Variants in COL21A1 observed in about 807,000 individuals in gnomAD.
COL21A1 encodes collagen alpha-1(XXI) chain.
In COL21A1, 149 loss-of-function variants were observed where a neutral mutation model predicts 137.9. That is an observed-to-expected ratio of 1.08 (90% CI 0.95 to 1.24). The LOEUF (loss-of-function observed/expected upper bound fraction) is 1.24, where lower values mean the gene tolerates loss of function less well. Ranked by LOEUF, COL21A1 falls within the 50% of genes most tolerant of loss-of-function variation. The pLI is 0.00. For missense variants in COL21A1, 1,167 were observed against 1,158.4 expected, an observed-to-expected ratio of 1.01 and a Z score of -0.11; for synonymous variants, 456 against 391.5, an observed-to-expected ratio of 1.16 and a Z score of -1.95.
intron 1 of COL21A1, among the ~76,000 whole-genome samples, chr6:56,186,573 A>G (rs528316286): frequency 6.6e-6 from 1 of 152,332 alleles, no homozygotes; most frequent in East Asian, 1.9e-4. Context: ...ATCATTTTTT[A>G]TGGAAAACGT....
intron 1 of COL21A1, among the ~76,000 whole-genome samples, chr6:56,227,960 G>C (rs1385370260): frequency 6.6e-6 from 1 of 151,902 alleles, no homozygotes; most frequent in Non-Finnish European, 1.5e-5. Flanking sequence ...ATGACCTTAA[G>C]AAGACAGGAA....
At chr6:56,280,538 A>G (rs1338214076) in intron 1 of COL21A1, among the ~76,000 whole-genome samples, 1 of 152,218 alleles carries the variant, frequency 6.6e-6, no homozygotes, top group Non-Finnish European at 1.5e-5. Flanking sequence ...TATGGTGAGT[A>G]AAGCGCTACC....
chr6:56,228,066 G>A (rs1403031046), intron 1 of COL21A1, among the ~76,000 whole-genome samples: 1 of 151,942 alleles, frequency 6.6e-6, no homozygotes, highest in African/African-American at 2.4e-5. Flanking sequence ...GTGGGAAAGG[G>A]GTGAGGGGTG....
At chr6:56,304,833 C>A (rs1173096181) in intron 1 of COL21A1, among the ~76,000 whole-genome samples, 6 of 151,982 alleles carry the variant, frequency 3.9e-5, no homozygotes, top group Non-Finnish European at 8.8e-5. Context: ...TTAGGGTGTC[C>A]ATTTTAGATC....
At chr6:56,129,494 T>C (rs1158535564) in intron 12 of COL21A1, among the ~76,000 whole-genome samples, 2 of 152,204 alleles carry the variant, frequency 1.3e-5, no homozygotes, top group Middle Eastern at 3.2e-3. Flanking sequence ...TTTAAACTAC[T>C]GCATTTGGTC....
At chr6:56,346,563 A>G (rs1409227274) in intron 1 of COL21A1, among the ~76,000 whole-genome samples, 1 of 152,258 alleles carries the variant, frequency 6.6e-6, no homozygotes, top group African/African-American at 2.4e-5. Context: ...AAATTTACAT[A>G]CCACAATCCA....
chr6:56,311,043 T>C (rs1764603632), intron 1 of COL21A1, among the ~76,000 whole-genome samples: 1 of 152,184 alleles, frequency 6.6e-6, no homozygotes, highest in Non-Finnish European at 1.5e-5. Context: ...TTTTAAAAGA[T>C]ATAACAAGTA....
At chr6:56,291,479 C>T (rs1298217196) in intron 1 of COL21A1, among the ~76,000 whole-genome samples, 1 of 152,214 alleles carries the variant, frequency 6.6e-6, no homozygotes, top group Non-Finnish European at 1.5e-5. Flanking sequence ...CACTTCTGGC[C>T]TTGCAGTCTC....
At chr6:56,192,239 T>TA (rs1236598358) in intron 1 of COL21A1, among the ~76,000 whole-genome samples, 2 of 152,082 alleles carry the variant, frequency 1.3e-5, no homozygotes, top group Non-Finnish European at 2.9e-5. Context: ...CCTTAAACCA[T>TA]AAAAATCCCA....
intron 1 of COL21A1, among the ~76,000 whole-genome samples, chr6:56,335,119 T>C (rs1406209844): frequency 6.6e-6 from 1 of 152,090 alleles, no homozygotes; most frequent in East Asian, 1.9e-4. Flanking sequence ...CGATAGATGA[T>C]GCAAAAATGA....
chr6:56,323,518 T>C (rs909989057), intron 1 of COL21A1, among the ~76,000 whole-genome samples: 2 of 152,136 alleles, frequency 1.3e-5, no homozygotes, highest in African/African-American at 2.4e-5. Flanking sequence ...GCCTCCCTAG[T>C]AGCTGGGATT....
At chr6:56,324,096 G>C (rs79107817) in intron 1 of COL21A1, among the ~76,000 whole-genome samples, 3,969 of 152,182 alleles carry the variant, frequency 0.026, 170 homozygotes, top group African/African-American at 0.091. Flanking sequence ...GGAAATAAAA[G>C]TATGGCACAG....
chr6:56,075,338 A>G lies in COL21A1; in HGVS notation c.1911+141T>C, dbSNP rs114958691. 2.7e-4 allele frequency: 172 copies of G among 648,450 alleles called. No individual in the cohort carries two copies. In the African/African-American group the frequency reaches 3.1e-3, roughly 12 times the overall value. The allele number at this position is 648,450 out of a possible 1,614,324, so 40.2% of individuals were successfully genotyped here. ...TGCACATAGACATAATATGTTTCAT[A>G]CAACAGAATGGAATTCATGGACCTC... On this transcript the variant is annotated intron_variant, in intron 19 of 29. Coordinates refer to ENST00000244728, the MANE Select transcript of COL21A1 (RefSeq NM_030820.4).
chr6:56,325,718 CAT>C lies in COL21A1; in HGVS notation c.-39+68251_-39+68252del, dbSNP rs1351076468. On this transcript the variant is annotated intron_variant, in intron 1 of 28. Coordinates refer to the COL21A1 transcript ENST00000370819. ...TATATATAATATATAATATATGTAA[CAT>C]TATATATACATATTATATATTATAT... 8.6e-5 allele frequency among the ~76,000 whole-genome samples: 2 copies of C among 23,334 alleles called. 1 individual carries two copies. The highest frequency in any genetic ancestry group is 3.3e-4 in the African/African-American group (2 of 6,116). The allele number at this position is 23,334 out of a possible 152,430, so 15.3% of individuals were successfully genotyped here. A position where few individuals can be genotyped will look rare whatever the true frequency, so the allele number is the denominator to read the frequency against.
chr6:56,193,046 C>T (rs1007536206), intron 1 of COL21A1, among the ~76,000 whole-genome samples: 7 of 152,146 alleles, frequency 4.6e-5, no homozygotes, highest in African/African-American at 1.4e-4. Context: ...AATCACCATT[C>T]TCGGCAAACT....
chr6:56,181,025 CA>C (rs763709346), intron 2 of COL21A1, among the ~76,000 whole-genome samples: 1 of 152,222 alleles, frequency 6.6e-6, no homozygotes, highest in Non-Finnish European at 1.5e-5. Context: ...TCGGCTTTAT[CA>C]TAAAACCTTT....
chr6:56,268,438 G>C (rs112525701), intron 1 of COL21A1, among the ~76,000 whole-genome samples: 2,815 of 152,246 alleles, frequency 0.018, 97 homozygotes, highest in African/African-American at 0.065. Flanking sequence ...AAATACAAAA[G>C]AGCCATGTGG....
rs1171174060 is a variant in COL21A1, at chr6:56,114,178, C to A, written c.1758+9884G>T. 4.6e-5 allele frequency among the ~76,000 whole-genome samples: 7 copies of A among 152,274 alleles called. No homozygotes were observed. The East Asian group carries it at 1.4e-3, about 30-fold the overall frequency. On this transcript the variant is annotated intron_variant, in intron 16 of 29. Coordinates refer to ENST00000244728, the MANE Select transcript of COL21A1 (RefSeq NM_030820.4). ...AAAGACATAGGCCTGGCTGGCTTTG[C>A]CACCTGCTGATTGTAGGGTCATAGG...
intron 1 of COL21A1, among the ~76,000 whole-genome samples, chr6:56,372,895 G>A (rs113343309): frequency 1.2e-4 from 18 of 152,266 alleles, no homozygotes; most frequent in Middle Eastern, 3.4e-3. Flanking sequence ...TTGGTGAGGC[G>A]TGTGCCCTCC....
Sources: gnomAD v4.1 joint callset for allele counts (sites outside exome capture counted in the v4.1 genomes callset) on GRCh38, gnomAD v4.1.1 for gene constraint, MANE v1.5 for transcripts, NCBI Gene and HGNC (gene_info 2026-07-23, HGNC 2026-07-21) for gene names.